Variants in DLG2 observed in about 807,000 individuals in gnomAD.
DLG2 encodes disks large homolog 2.
DLG2 carries 45 observed loss-of-function variants against 132.5 expected under a neutral mutation model. That is an observed-to-expected ratio of 0.34 (90% confidence interval 0.27 to 0.44). The LOEUF is 0.44. Among genes scored for constraint, DLG2 ranks in the 20% least tolerant of loss-of-function variants. The pLI is 1.00. For missense variants in DLG2, 1,045 were observed against 1,196.9 expected (o/e 0.87, Z 1.87); for synonymous variants, 424 against 419.6 (o/e 1.01, Z -0.13).
chr11:84,628,706 A>AT (rs1565496935), intron 6 of DLG2, among the ~76,000 whole-genome samples: 3 of 152,112 alleles, frequency 2.0e-5, no homozygotes, highest in Admixed American at 1.3e-4. Flanking sequence ...AATCTATGTG[A>AT]TTTTTTGTCT....
intron 6 of DLG2, among the ~76,000 whole-genome samples, chr11:84,982,925 CT>C (rs1173284284): frequency 1.3e-5 from 2 of 152,072 alleles, no homozygotes; most frequent in Non-Finnish European, 2.9e-5. Flanking sequence ...ACAGGGGAAC[CT>C]CTTCAATGAA....
chr11:85,363,446 C>T (rs115581661), intron 3 of DLG2, among the ~76,000 whole-genome samples: 177 of 152,282 alleles, frequency 1.2e-3, no homozygotes, highest in African/African-American at 4.1e-3. Context: ...ATGACGATTT[C>T]TTCTAATTGT....
At chr11:85,291,584 TC>T (rs1414368740) in intron 3 of DLG2, among the ~76,000 whole-genome samples, 7 of 56,464 alleles carry the variant, frequency 1.2e-4, no homozygotes, top group Non-Finnish European at 2.5e-4. Flanking sequence ...AGGATTCTCT[TC>T]TTTTTTTTTT....
intron 3 of DLG2, among the ~76,000 whole-genome samples, chr11:85,409,142 T>C (rs1055997044): frequency 2.0e-5 from 3 of 150,762 alleles, no homozygotes; most frequent in Admixed American, 2.0e-4. Flanking sequence ...CCTTTTACCA[T>C]TCATAGTCTC....
rs192761355 is a variant in DLG2 at position 84,532,759 on chromosome 11, A to C, written c.519+1811T>G. On this transcript the variant is annotated intron_variant, in intron 7 of 27. Transcript: ENST00000376104. ...GGTCCTCCCACCTCAGCTTCCCAAAATGCTGAGACTACAGGTGCGGGCCAC... is the reference window on the plus strand; with the variant it reads ...GGTCCTCCCACCTCAGCTTCCCAAACTGCTGAGACTACAGGTGCGGGCCAC... 2.9e-3 allele frequency among the ~76,000 whole-genome samples: 437 copies of C among 152,238 alleles called. 2 individuals carry two copies. The highest frequency in any genetic ancestry group is 0.01 in the African/African-American group (429 of 41,542).
chr11:83,870,405 C>T (rs182284660), intron 16 of DLG2, among the ~76,000 whole-genome samples: 1 of 152,288 alleles, frequency 6.6e-6, no homozygotes, highest in East Asian at 1.9e-4. Context: ...AGATAATGGC[C>T]TCCAGTTCCA....
intron 11 of DLG2, among the ~76,000 whole-genome samples, chr11:84,022,958 T>A (rs1304684490): frequency 6.6e-6 from 1 of 152,148 alleles, no homozygotes; most frequent in South Asian, 2.1e-4. Flanking sequence ...GGCAGCTTTT[T>A]AATCTTGTGT....
intron 6 of DLG2, among the ~76,000 whole-genome samples, chr11:84,908,864 C>T (rs759529495): frequency 6.6e-6 from 1 of 150,834 alleles, no homozygotes; most frequent in Non-Finnish European, 1.5e-5. Context: ...AGTTTTTCAA[C>T]AAAATCTTTG....
rs560292257 is a variant in DLG2, at chr11:84,245,269, C to T, written c.573+5969G>A. 4.6e-5 allele frequency among the ~76,000 whole-genome samples: 7 copies of T among 152,218 alleles called. No individual in the cohort carries two copies. In the South Asian group the frequency reaches 1.5e-3, roughly 32 times the overall value. ...TTTTCCCTTTAGTTCACTCTCTTGT[C>T]CTTGGCCCCAGAATCATAGTTTTGT... On this transcript the variant is annotated intron_variant, in intron 8 of 27. Transcript: ENST00000376104.
At chr11:85,433,738 T>G (rs1043989863) in intron 3 of DLG2, among the ~76,000 whole-genome samples, 4 of 152,194 alleles carry the variant, frequency 2.6e-5, no homozygotes, top group Admixed American at 2.6e-4. Flanking sequence ...AACACCCAGC[T>G]ATCAATATTA....
chr11:85,092,043 G>A (rs1013807952), intron 6 of DLG2, among the ~76,000 whole-genome samples: 1 of 152,148 alleles, frequency 6.6e-6, no homozygotes, highest in African/African-American at 2.4e-5. Context: ...ATAGGCTTAT[G>A]GAATGCATTT....
intron 3 of DLG2, among the ~76,000 whole-genome samples, chr11:85,337,951 T>C (rs947285120): frequency 1.2e-4 from 19 of 152,212 alleles, no homozygotes; most frequent in African/African-American, 4.3e-4. Flanking sequence ...AAACTGAAGA[T>C]TGTACATAGC....
chr11:83,590,063 T>A (rs1458591432), intron 19 of DLG2, among the ~76,000 whole-genome samples: 1 of 116,568 alleles, frequency 8.6e-6, no homozygotes, highest in Non-Finnish European at 1.8e-5. Flanking sequence ...CACCCCACTG[T>A]CAACATTAGA....
chr11:84,334,100 C>CT (rs1236157446), intron 7 of DLG2, among the ~76,000 whole-genome samples: 1 of 152,126 alleles, frequency 6.6e-6, no homozygotes, highest in Admixed American at 6.5e-5. Flanking sequence ...GCAACAAACT[C>CT]TAAGACCTTC....
At chr11:84,341,343 C>T (rs895142780) in intron 7 of DLG2, among the ~76,000 whole-genome samples, 5 of 151,824 alleles carry the variant, frequency 3.3e-5, no homozygotes, top group African/African-American at 1.2e-4. Context: ...ATTCATATTG[C>T]CTTAACTAAT....
intron 14 of DLG2, among the ~76,000 whole-genome samples, chr11:83,957,364 G>T (rs1565804046): frequency 6.6e-6 from 1 of 152,178 alleles, no homozygotes; most frequent in Non-Finnish European, 1.5e-5. Flanking sequence ...ATGGTCAGTA[G>T]TCAAAACAGT....
chr11:84,235,378 A>T (rs893003258), intron 8 of DLG2, among the ~76,000 whole-genome samples: 12 of 152,160 alleles, frequency 7.9e-5, no homozygotes, highest in African/African-American at 2.7e-4. Context: ...AATACTTTAC[A>T]GAGTTTGACC....
chr11:85,553,209 C>T (rs1020260436), intron 3 of DLG2, among the ~76,000 whole-genome samples: 9 of 151,502 alleles, frequency 5.9e-5, no homozygotes, highest in African/African-American at 1.9e-4. Context: ...AGAATAATAT[C>T]TGCAAAAAAC....
chr11:83,576,082 G>A (rs983134591), intron 19 of DLG2, among the ~76,000 whole-genome samples: 2 of 152,144 alleles, frequency 1.3e-5, no homozygotes, highest in African/African-American at 4.8e-5. Flanking sequence ...AATTAAACTT[G>A]TAGGCATAAA....
Sources: gnomAD v4.1 joint callset for allele counts (sites outside exome capture counted in the v4.1 genomes callset) on GRCh38, gnomAD v4.1.1 for gene constraint, MANE v1.5 for transcripts, NCBI Gene and HGNC (gene_info 2026-07-23, HGNC 2026-07-21) for gene names.